ARRDC4: variants seen among roughly 807,000 people sequenced by gnomAD.
ARRDC4 encodes arrestin domain-containing protein 4.
ARRDC4 carries 40 observed loss-of-function variants against 44.6 expected under a neutral mutation model. The ratio of observed to expected loss-of-function variants is 0.90; its 90% CI spans 0.70 to 1.17. ARRDC4 has a LOEUF of 1.17. Ranked by LOEUF, ARRDC4 falls within the 50% of genes most tolerant of loss-of-function variation. ARRDC4 has a pLI of 0.00. For synonymous variants in ARRDC4, 211 were observed against 221.2 expected, an observed-to-expected ratio of 0.95 and a Z score of 0.41; for missense variants, 550 against 559.1, an observed-to-expected ratio of 0.98 and a Z score of 0.16.
In ARRDC4 at chr15:97,968,193, GT is replaced by G; in HGVS notation, c.625+83del. The G allele has an allele frequency of 3.2e-6, 3 of 948,208 alleles. No homozygotes were observed. Among genetic ancestry groups the G allele is most frequent in the East Asian group, 2.8e-5 (1 of 35,704 alleles). The allele number at this position is 948,208 out of a possible 1,614,324, so 58.7% of individuals were successfully genotyped here. ...CTAATTTTAAGTGATTTTAAATAGT[GT>G]TTTTTGTAATTATATGACGTGTATA... On this transcript the variant is annotated intron_variant, in intron 4 of 7. Transcript: ENST00000268042. The surrounding 1 kb of genome is among the most constrained non-coding windows in gnomAD (Gnocchi z 5.4).
Position 97,960,891 on chromosome 15 carries a change from C to T in ARRDC4, c.30C>T (p.Ala10=), listed in dbSNP as rs1340391874. 7.1e-7 allele frequency: 1 copy of T among 1,399,600 alleles called. No individual in the cohort carries two copies. The highest frequency in any genetic ancestry group is 9.4e-7 in the Non-Finnish European group (1 of 1,068,100). 86.7% of individuals were successfully genotyped at this position (1,399,600 alleles called of 1,614,324 possible). Residue 10 remains alanine (A), a synonymous_variant, in exon 1 of 8, where the codon GCC becomes GCT. Transcript: ENST00000268042. The stretch of plus-strand genomic sequence containing the variant: ...GCGGGGAGGCTGGGTGCGCGGCGGC[C>T]GTGGGTGCCGAGGGCCGCGTGAAGA... MGGEAGCAA[A]VGAEGRVKSL...
intron 1 of ARRDC4, among the ~76,000 whole-genome samples, chr15:97,964,997 T>TATATACAC (rs1555456248): frequency 2.0e-4 from 29 of 147,934 alleles, no homozygotes; most frequent in African/African-American, 5.2e-4. Context: ...GATTTTTACA[T>TATATACAC]ACACACACAC....
rs903673586 is a variant in ARRDC4 at position 97,971,766 on chromosome 15, A to G, written c.*579A>G. 3 of 153,086 alleles carry G rather than the reference A, an allele frequency of 2.0e-5. No individual in the cohort carries two copies. Among genetic ancestry groups the G allele is most frequent in the Non-Finnish European group, 2.9e-5 (2 of 68,676 alleles). The allele number at this position is 153,086 out of a possible 1,614,324, so 9.5% of individuals were successfully genotyped here. A position where few individuals can be genotyped will look rare whatever the true frequency, so the allele number is the denominator to read the frequency against. On this transcript the variant is annotated 3_prime_UTR_variant, in exon 8 of 8. Transcript: ENST00000268042. ...ATATGAGGTCCTAATGAAGTACTACAGTTTTCATTCTTTCAAGGGTAGACT... is the reference window on the plus strand; with the variant it reads ...ATATGAGGTCCTAATGAAGTACTACGGTTTTCATTCTTTCAAGGGTAGACT...
In ARRDC4 at chr15:97,968,159, T is replaced by C. The variant is rs959982258; in HGVS notation, c.625+43T>C. 1.5e-6 allele frequency: 2 copies of C among 1,298,080 alleles called. No individual in the cohort carries two copies. The highest frequency in any genetic ancestry group is 1.5e-5 in the African/African-American group (1 of 66,240). 80.4% of individuals were successfully genotyped at this position (1,298,080 alleles called of 1,614,324 possible). On this transcript the variant is annotated intron_variant, in intron 4 of 7. Transcript: ENST00000268042. This position sits in a 1 kb window ranked among gnomAD's most constrained non-coding sequence, Gnocchi z 5.4. ...AAGTCCAAATGAAAGATTTCATTCA[T>C]TTTCTTAGCTAATTTTAAGTGATTT... is the stretch of plus-strand genomic sequence containing the variant.
rs1482416128 is a variant in ARRDC4 at position 97,965,890 on chromosome 15, T to G, written c.375-5T>G. The G allele has an allele frequency of 6.2e-7, 1 of 1,613,484 alleles. No individual in the cohort carries two copies. Among genetic ancestry groups the G allele is most frequent in the South Asian group, 1.1e-5 (1 of 90,772 alleles). On this transcript the variant is annotated splice_polypyrimidine_tract_variant and splice_region_variant and intron_variant, in intron 2 of 7. Coordinates refer to ENST00000268042, the MANE Select transcript of ARRDC4 (RefSeq NM_183376.3). This position sits in a 1 kb window ranked among gnomAD's most constrained non-coding sequence, Gnocchi z 5.1. ...CTCATAATTAATGTCTTTGGTTGGT[T>G]TCAGACCTTTGGTCACCTCGTTTAC...
Position 97,967,088 on chromosome 15 carries a change from C to A in ARRDC4, c.523-926C>A, listed in dbSNP as rs939670773. ...ATAAAACAGCCGGCACCCAGCTGGC[C>A]TGGCTTATAGCTGGGACTTTAACAG... On this transcript the variant is annotated intron_variant, in intron 3 of 7. Coordinates refer to ENST00000268042, the MANE Select transcript of ARRDC4 (RefSeq NM_183376.3). The surrounding 1 kb of genome is among the most constrained non-coding windows in gnomAD (Gnocchi z 5.0). 3.7e-4 allele frequency among the ~76,000 whole-genome samples: 56 copies of A among 152,326 alleles called. No individual in the cohort carries two copies. Among genetic ancestry groups the A allele is most frequent in the Non-Finnish European group, 3.8e-4 (26 of 68,030 alleles).
rs531630486 is a variant in ARRDC4, at chr15:97,968,946, A to G, written c.626-177A>G. ...ATGCAATAATTAGAAAATAAGATCT[A>G]CCACAACCTGCAGTGAATTTTTATT... is the stretch of plus-strand genomic sequence containing the variant. On this transcript the variant is annotated intron_variant, in intron 4 of 7. Transcript: ENST00000268042. The surrounding 1 kb of genome is among the most constrained non-coding windows in gnomAD (Gnocchi z 5.4). Among the ~76,000 whole-genome samples the G allele has an allele frequency of 6.6e-6, 1 of 152,312 alleles. No homozygotes were observed. The highest frequency in any genetic ancestry group is 6.5e-5 in the Admixed American group (1 of 15,302).
rs775017947 is a variant in ARRDC4, at chr15:97,971,117, CTCTT to C, written c.1201-12_1201-9del. The stretch of plus-strand genomic sequence containing the variant: ...ATGCTACAACACTAATCTCAGTCCG[CTCTT>C]TTTTTGCAGGTTGACCCACATCCTA... On this transcript the variant is annotated splice_polypyrimidine_tract_variant and intron_variant, in intron 7 of 7. Transcript: ENST00000268042. 6 of 1,612,798 alleles carry C rather than the reference CTCTT, an allele frequency of 3.7e-6. No homozygotes were observed. Among genetic ancestry groups the C allele is most frequent in the East Asian group, 2.2e-5 (1 of 44,870 alleles).
chr15:97,969,743 C>T (rs1596305860), intron 5 of ARRDC4, 140 bp from the exon 6 acceptor site: 1 of 759,598 alleles, frequency 1.3e-6, no homozygotes. Context: ...TTAATCAAGA[C>T]AATTGAGAAT....
In ARRDC4 at chr15:97,965,712, G is replaced by A. The variant is rs80248174; in HGVS notation, c.374+46G>A. 0.025 allele frequency: 38,357 copies of A among 1,557,608 alleles called. 700 individuals are homozygous for A. Among genetic ancestry groups the A allele is most frequent in the African/African-American group, 0.079 (5,831 of 73,628 alleles). On this transcript the variant is annotated intron_variant, in intron 2 of 7. Transcript: ENST00000268042. The surrounding 1 kb of genome is among the most constrained non-coding windows in gnomAD (Gnocchi z 5.1). ...TTGTGGTTATCCTTCTCTGCAGTAT[G>A]TCCATTCAAGTTTATCACTGCTAGG... is the stretch of plus-strand genomic sequence containing the variant.
intron 1 of ARRDC4, among the ~76,000 whole-genome samples, chr15:97,961,749 C>T (rs986815760): frequency 2.0e-5 from 3 of 152,150 alleles, no homozygotes; most frequent in Non-Finnish European, 2.9e-5. Flanking sequence ...GTACCTCTAC[C>T]TGATACTGCT....
rs1190353124 is a variant in ARRDC4 at position 97,960,968 on chromosome 15, A to G, written c.107A>G (p.Glu36Gly). The G allele has an allele frequency of 6.8e-7, 1 of 1,466,412 alleles. No homozygotes were observed. Among genetic ancestry groups the G allele is most frequent in the Non-Finnish European group, 9.0e-7 (1 of 1,107,792 alleles). The allele number at this position is 1,466,412 out of a possible 1,614,324, so 90.8% of individuals were successfully genotyped here. ...DERKGCYSSG[E>G]TVAGHVLLEA... Reference sequence around the variant, plus strand: ...CGCAAGGGCTGCTATTCCAGCGGCGAGACAGTGGCCGGGCACGTGCTGCTG... The same window carrying G: ...CGCAAGGGCTGCTATTCCAGCGGCGGGACAGTGGCCGGGCACGTGCTGCTG... Residue 36 changes from glutamate (E) to glycine (G), a missense_variant, in exon 1 of 8, where the codon GAG becomes GGG. By Grantham distance (98) the Glu-to-Gly change is moderately conservative. Transcript: ENST00000268042.
intron 7 of ARRDC4, 87 bp from the exon 8 acceptor site, chr15:97,971,044 A>C: frequency 7.0e-7 from 1 of 1,431,844 alleles, no homozygotes; most frequent in Non-Finnish European, 9.8e-7. Flanking sequence ...CCAGCTTGGC[A>C]TATAACCATC....
rs1899293175 is a variant in ARRDC4, at chr15:97,960,791, C to T, written c.-71C>T. 10 of 1,236,150 alleles carry T rather than the reference C, an allele frequency of 8.1e-6. No individual in the cohort carries two copies. Among genetic ancestry groups the T allele is most frequent in the African/African-American group, 3.1e-5 (2 of 63,866 alleles). 76.6% of individuals were successfully genotyped at this position (1,236,150 alleles called of 1,614,324 possible). On this transcript the variant is annotated 5_prime_UTR_variant, in exon 1 of 8. Coordinates refer to ENST00000268042, the MANE Select transcript of ARRDC4 (RefSeq NM_183376.3). ...CTGCCGCGAGCGCCTGTGACAGCGG[C>T]GCCGCTGTGCTCGCGACCCCGGCTC... is the stretch of plus-strand genomic sequence containing the variant.
At position 97,965,945 on chromosome 15, in the gene ARRDC4, T is replaced by C; in HGVS notation, c.425T>C (p.Val142Ala). The C allele has an allele frequency of 6.2e-7, 1 of 1,614,220 alleles. No homozygotes were observed. The highest frequency in any genetic ancestry group is 8.5e-7 in the Non-Finnish European group (1 of 1,180,040). ...TGKYGSIQYC[V>A]RAVLERPKVP... ...AAATATGGAAGCATTCAGTACTGTG[T>C]GCGGGCAGTGTTGGAACGACCCAAG... Residue 142 changes from valine to alanine, a missense_variant, in exon 3 of 8, where the codon GTG becomes GCG. Physicochemically the swap from Val to Ala is moderately conservative, Grantham distance 64 (BLOSUM62 0). Transcript: ENST00000268042. The surrounding 1 kb of genome is among the most constrained non-coding windows in gnomAD (Gnocchi z 5.1).
chr15:97,966,798 TATGA>T lies in ARRDC4; in HGVS notation c.522+765_522+768del, dbSNP rs1037502779. On this transcript the variant is annotated intron_variant, in intron 3 of 7. Transcript: ENST00000268042. The surrounding 1 kb of genome is among the most constrained non-coding windows in gnomAD (Gnocchi z 4.7). ...AGGACCTAATGGTTCTTCATTTAAA[TATGA>T]ATGAATGATTTTTTTTACTTCATAG... 1.3e-5 allele frequency among the ~76,000 whole-genome samples: 2 copies of T among 152,320 alleles called. No individual in the cohort carries two copies. Among genetic ancestry groups the T allele is most frequent in the African/African-American group, 4.8e-5 (2 of 41,586 alleles).
intron 1 of ARRDC4, among the ~76,000 whole-genome samples, chr15:97,961,843 T>C (rs1169916081): frequency 1.3e-5 from 2 of 151,948 alleles, no homozygotes; most frequent in East Asian, 3.9e-4. Context: ...TTCTCTCCAC[T>C]CAAAATGCCT....
At chr15:97,961,748 C>T (rs1899325716) in intron 1 of ARRDC4, among the ~76,000 whole-genome samples, 1 of 152,164 alleles carries the variant, frequency 6.6e-6, no homozygotes, top group South Asian at 2.1e-4. Flanking sequence ...TGTACCTCTA[C>T]CTGATACTGC....
Position 97,961,073 on chromosome 15 carries a change from C to T in ARRDC4, c.212C>T (p.Thr71Ile). The T allele has an allele frequency of 6.3e-6, 9 of 1,434,180 alleles. No individual in the cohort carries two copies. The highest frequency in any genetic ancestry group is 7.3e-6 in the Non-Finnish European group (8 of 1,099,614). 88.8% of individuals were successfully genotyped at this position (1,434,180 alleles called of 1,614,324 possible). Reference protein sequence around the residue: ...GRATAAWGPSTCPRASASTAA... With the variant: ...GRATAAWGPSICPRASASTAA... ...GCCACCGCCGCCTGGGGCCCGAGCA[C>T]CTGCCCCCGCGCCTCGGCCAGCACC... Residue 71 changes from threonine (T) to isoleucine (I), a missense_variant, in exon 1 of 8, where the codon ACC (threonine) becomes ATC (isoleucine). Coordinates refer to ENST00000268042, the MANE Select transcript of ARRDC4 (RefSeq NM_183376.3).
Sources: allele counts gnomAD v4.1 joint callset (sites outside exome capture counted in the v4.1 genomes callset), GRCh38; gene constraint gnomAD v4.1.1; non-coding constraint Gnocchi (gnomAD v3.1); transcripts MANE v1.5; gene names NCBI Gene and HGNC (gene_info 2026-07-23, HGNC 2026-07-21).